Variants in PDZRN4 observed in about 807,000 individuals in gnomAD.
PDZRN4 encodes the protein PDZ domain-containing RING finger protein 4.
In PDZRN4, 70 loss-of-function variants were observed where a neutral mutation model predicts 99.0. The ratio of observed to expected loss-of-function variants is 0.71; its 90% confidence interval spans 0.58 to 0.86. PDZRN4 has a LOEUF of 0.86. PDZRN4 is among the 40% of genes least tolerant of loss of function. The probability of loss-of-function intolerance (pLI) is 0.00; values close to 1 mark genes in which losing one functional copy is unlikely to be tolerated. For synonymous variants in PDZRN4, 551 were observed against 501.6 expected (o/e 1.10, Z -1.32); for missense variants, 1,474 against 1,331.2 (o/e 1.11, Z -1.67).
chr12:41,492,449 G>C lies in PDZRN4; in HGVS notation c.844-14007G>C, dbSNP rs12582035. Among the ~76,000 whole-genome samples, 795 of 152,244 alleles carry C rather than the reference G, an allele frequency of 5.2e-3. 39 individuals are homozygous for C. The East Asian group carries it at 0.12, about 24-fold the overall frequency. On this transcript the variant is annotated intron_variant, in intron 3 of 9. Coordinates refer to ENST00000402685, the MANE Select transcript of PDZRN4 (RefSeq NM_001164595.2). ...TTAAGAGCAGAGAAGATTGGGAGGGGACGAGTGTTTACTATTCAAAGTAAA... is the reference window on the plus strand; with the variant it reads ...TTAAGAGCAGAGAAGATTGGGAGGGCACGAGTGTTTACTATTCAAAGTAAA...
chr12:41,250,102 T>C (rs544419597), intron 3 of PDZRN4, among the ~76,000 whole-genome samples: 6 of 152,210 alleles, frequency 3.9e-5, no homozygotes, highest in Non-Finnish European at 8.8e-5. Flanking sequence ...TGTTTGCTCT[T>C]GACTTAGGTG....
At chr12:41,284,556 C>A (rs888817593) in intron 3 of PDZRN4, among the ~76,000 whole-genome samples, 10 of 152,128 alleles carry the variant, frequency 6.6e-5, no homozygotes, top group African/African-American at 2.4e-4. Flanking sequence ...GCCAGACAAT[C>A]CTAAGCAAAA....
chr12:41,310,254 G>A (rs1951597945), intron 3 of PDZRN4, among the ~76,000 whole-genome samples: 1 of 66,704 alleles, frequency 1.5e-5, no homozygotes, highest in Non-Finnish European at 4.4e-5. Context: ...TTTCATTTTT[G>A]TTTGTGTGTG....
At chr12:41,276,633 T>G (rs1951351672) in intron 3 of PDZRN4, among the ~76,000 whole-genome samples, 1 of 152,146 alleles carries the variant, frequency 6.6e-6, no homozygotes. Context: ...AGAAATTCTT[T>G]GAATAAAACT....
chr12:41,495,705 C>A (rs1045444572), intron 3 of PDZRN4, among the ~76,000 whole-genome samples: 14 of 152,084 alleles, frequency 9.2e-5, no homozygotes, highest in Admixed American at 2.6e-4. Flanking sequence ...AAATCCTTTA[C>A]CATGACCCAT....
chr12:41,504,977 T>C (rs576611187), intron 3 of PDZRN4, among the ~76,000 whole-genome samples: 1 of 152,234 alleles, frequency 6.6e-6, no homozygotes, highest in East Asian at 1.9e-4. Flanking sequence ...TCTTTCAGGG[T>C]CCACTGAGTA....
intron 3 of PDZRN4, among the ~76,000 whole-genome samples, chr12:41,301,966 T>C (rs1177921472): frequency 6.6e-6 from 1 of 152,134 alleles, no homozygotes; most frequent in Non-Finnish European, 1.5e-5. Context: ...TAAAGCATTT[T>C]AAATATCCAT....
At chr12:41,572,285 G>A in intron 9 of PDZRN4, 79 bp from the exon 10 acceptor site, 1 of 1,269,190 alleles carries the variant, frequency 7.9e-7, no homozygotes, top group Non-Finnish European at 1.1e-6. Flanking sequence ...GGAAACATTG[G>A]TTTTCAAACA....
chr12:41,336,196 A>G (rs1951772896), intron 3 of PDZRN4, among the ~76,000 whole-genome samples: 1 of 152,134 alleles, frequency 6.6e-6, no homozygotes, highest in Non-Finnish European at 1.5e-5. Context: ...TAATCAATGA[A>G]CGGCTGATTC....
At chr12:41,358,617 G>T (rs1951944071) in intron 3 of PDZRN4, among the ~76,000 whole-genome samples, 1 of 151,924 alleles carries the variant, frequency 6.6e-6, no homozygotes, top group Admixed American at 6.6e-5. Context: ...TACTTACCTT[G>T]AACTAATCTG....
Position 41,188,698 on chromosome 12 carries a change from C to A in PDZRN4, c.243C>A (p.Cys81Ter), listed in dbSNP as rs1469911130. ...RSLIQKLRVQ[C>*]DYRARGCGHS... ...TCATCCAGAAGCTGCGAGTCCAGTG[C>A]GACTACCGCGCCCGCGGCTGCGGCC... is the stretch of plus-strand genomic sequence containing the variant. Residue 81 changes from cysteine (C) to a stop codon, truncating the protein, a stop_gained, in exon 1 of 10, where the codon TGC becomes TGA. Transcript: ENST00000402685. LOFTEE classifies it high-confidence loss of function. 2 of 1,555,302 alleles carry A rather than the reference C, an allele frequency of 1.3e-6. No homozygotes were observed. The highest frequency in any genetic ancestry group is 2.4e-5 in the East Asian group (1 of 41,508).
chr12:41,410,755 G>A (rs903840639), intron 3 of PDZRN4, among the ~76,000 whole-genome samples: 3 of 152,152 alleles, frequency 2.0e-5, no homozygotes, highest in African/African-American at 4.8e-5. Context: ...AAGGGCTGTT[G>A]TCAGGATGAA....
At chr12:41,248,016 A>G (rs892059041) in intron 3 of PDZRN4, among the ~76,000 whole-genome samples, 1 of 152,214 alleles carries the variant, frequency 6.6e-6, no homozygotes, top group African/African-American at 2.4e-5. Context: ...CGAAACGGGA[A>G]ATGACTTGCA....
At position 41,536,761 on chromosome 12, in the gene PDZRN4, T is replaced by TAAAAAAAAAAAA. The variant is rs59008796; in HGVS notation, c.1204-15894_1204-15883dup. On this transcript the variant is annotated intron_variant, in intron 5 of 9. Coordinates refer to ENST00000402685, the MANE Select transcript of PDZRN4 (RefSeq NM_001164595.2). ...GAAAAAAATAACATCTATTGAAAAG[T>TAAAAAAAAAAAA]AAAAAAAAAAAACCCTTCTTGATTT... Among the ~76,000 whole-genome samples the TAAAAAAAAAAAA allele has an allele frequency of 8.7e-5, 12 of 137,380 alleles. 1 individual carries two copies. The highest frequency in any genetic ancestry group is 2.5e-4 in the South Asian group (1 of 4,040). 90.1% of individuals were successfully genotyped at this position (137,380 alleles called of 152,430 possible).
intron 3 of PDZRN4, among the ~76,000 whole-genome samples, chr12:41,320,019 A>G (rs1951664582): frequency 1.3e-5 from 2 of 152,176 alleles, no homozygotes; most frequent in African/African-American, 4.8e-5. Context: ...GCACGTCTTT[A>G]GGCATTTATT....
chr12:41,570,179 AT>A (rs1408522094), intron 9 of PDZRN4, among the ~76,000 whole-genome samples: 2 of 152,128 alleles, frequency 1.3e-5, no homozygotes, highest in Admixed American at 6.5e-5. Flanking sequence ...ATTGTGTGGA[AT>A]TTTTTTCTTC....
chr12:41,212,023 G>C (rs1950891771), intron 3 of PDZRN4, among the ~76,000 whole-genome samples: 1 of 151,870 alleles, frequency 6.6e-6, no homozygotes, highest in African/African-American at 2.4e-5. Context: ...GCCTGTCACT[G>C]TACCCTGGAA....
chr12:41,225,834 T>G (rs1321800143), intron 3 of PDZRN4, among the ~76,000 whole-genome samples: 1 of 152,148 alleles, frequency 6.6e-6, no homozygotes, highest in Non-Finnish European at 1.5e-5. Flanking sequence ...TTGTAGGAGT[T>G]GGCATCTCAG....
intron 3 of PDZRN4, among the ~76,000 whole-genome samples, chr12:41,341,796 T>C (rs1052498743): frequency 1.1e-4 from 17 of 151,956 alleles, no homozygotes; most frequent in African/African-American, 3.6e-4. Flanking sequence ...ACAAGTTTAA[T>C]GCAATCATTG....
Sources: gnomAD v4.1 joint callset for allele counts (sites outside exome capture counted in the v4.1 genomes callset) on GRCh38, gnomAD v4.1.1 for gene constraint, MANE v1.5 for transcripts, NCBI Gene and HGNC (gene_info 2026-07-23, HGNC 2026-07-21) for gene names.